Variants in ST8SIA5 observed in about 807,000 individuals in gnomAD.
ST8SIA5 encodes ST8 alpha-N-acetyl-neuraminide alpha-2,8-sialyltransferase 5, also known as alpha-2,8-sialyltransferase 8E.
A neutral mutation model predicts 40.2 loss-of-function variants in ST8SIA5; 24 were observed. The ratio of observed to expected loss-of-function variants is 0.60; its 90% CI spans 0.43 to 0.84. The LOEUF is 0.84. Ranked by LOEUF, ST8SIA5 falls within the 40% of genes least tolerant of loss-of-function variation. The probability of loss-of-function intolerance (pLI) is 0.00; values close to 1 mark genes in which losing one functional copy is unlikely to be tolerated. For missense variants in ST8SIA5, 465 were observed against 498.5 expected (o/e 0.93, Z 0.64); for synonymous variants, 198 against 201.8 (o/e 0.98, Z 0.16).
At chr18:46,701,233 C>T (rs762009005) in intron 2 of ST8SIA5, among the ~76,000 whole-genome samples, 7 of 145,458 alleles carry the variant, frequency 4.8e-5, no homozygotes, top group Admixed American at 1.4e-4. Flanking sequence ...CTCCACCTCC[C>T]GGGTTCAAGC....
At position 46,682,653 on chromosome 18, in the gene ST8SIA5, T is replaced by G. The variant is rs1335343665; in HGVS notation, c.570-589A>C. Among the ~76,000 whole-genome samples the G allele has an allele frequency of 5.9e-5, 9 of 152,344 alleles. No homozygotes were observed. In the East Asian group the frequency reaches 1.3e-3, roughly 23 times the overall value. On this transcript the variant is annotated intron_variant, in intron 5 of 6. Coordinates refer to ENST00000315087, the MANE Select transcript of ST8SIA5 (RefSeq NM_013305.6). ...GAACCTGTGACTATGCAGCCTTACG[T>G]GGCAGAAGGGACTCTGCAGCTGCAA...
At chr18:46,725,499 T>TATG (rs1351626772) in intron 1 of ST8SIA5, among the ~76,000 whole-genome samples, 2 of 151,604 alleles carry the variant, frequency 1.3e-5, no homozygotes, top group Non-Finnish European at 2.9e-5. Flanking sequence ...GAGCAGAAAA[T>TATG]ATGATGACTT....
chr18:46,689,773 G>A (rs1044548967), intron 3 of ST8SIA5, among the ~76,000 whole-genome samples: 12 of 148,744 alleles, frequency 8.1e-5, no homozygotes, highest in African/African-American at 3.0e-4. Context: ...TAGAGTCAAG[G>A]TTTCTCCATG....
rs147997564 is a variant in ST8SIA5, at chr18:46,723,487, G to A, written c.132-18823C>T. Among the ~76,000 whole-genome samples, 1,112 of 150,890 alleles carry A rather than the reference G, an allele frequency of 7.4e-3. 17 individuals carry two copies. The highest frequency in any genetic ancestry group is 0.026 in the African/African-American group (1,051 of 40,996). On this transcript the variant is annotated intron_variant, in intron 1 of 6. Transcript: ENST00000315087. ...GAATCCCTTGATCCTGGGAGGTGGA[G>A]GTTGAAGTAAGCCGAGATCACACTA...
chr18:46,706,884 G>A (rs989293081), intron 1 of ST8SIA5, among the ~76,000 whole-genome samples: 1 of 152,188 alleles, frequency 6.6e-6, no homozygotes, highest in Non-Finnish European at 1.5e-5. Flanking sequence ...AGAGGCAGCA[G>A]CTTTCACGGT....
chr18:46,743,155 C>T (rs1469281052), intron 1 of ST8SIA5, among the ~76,000 whole-genome samples: 1 of 152,176 alleles, frequency 6.6e-6, no homozygotes, highest in African/African-American at 2.4e-5. Context: ...TGCCTCTTCC[C>T]CTCCAAAGGA....
At chr18:46,736,925 C>T (rs1422513672) in intron 1 of ST8SIA5, among the ~76,000 whole-genome samples, 1 of 152,074 alleles carries the variant, frequency 6.6e-6, no homozygotes, top group Non-Finnish European at 1.5e-5. Context: ...AGGGGCTCTG[C>T]AGGACCTGTG....
chr18:46,719,818 TTCTC>T (rs1387313697), intron 1 of ST8SIA5, among the ~76,000 whole-genome samples: 96 of 48,690 alleles, frequency 2.0e-3, no homozygotes, highest in African/African-American at 4.9e-3. Flanking sequence ...TTTCCTTCCT[TTCTC>T]TTTCTTTCTT....
At chr18:46,720,540 CA>C (rs2144527378) in intron 1 of ST8SIA5, among the ~76,000 whole-genome samples, 1 of 152,296 alleles carries the variant, frequency 6.6e-6, no homozygotes, top group African/African-American at 2.4e-5. Flanking sequence ...TACTTCTCTG[CA>C]GGGTCAATTT....
intron 1 of ST8SIA5, among the ~76,000 whole-genome samples, chr18:46,719,305 G>A (rs2039827195): frequency 6.6e-6 from 1 of 152,178 alleles, no homozygotes; most frequent in African/African-American, 2.4e-5. Flanking sequence ...AGAGGAAGCT[G>A]GCCCAGATCA....
intron 1 of ST8SIA5, among the ~76,000 whole-genome samples, chr18:46,734,216 G>A (rs576551215): frequency 3.3e-5 from 5 of 152,246 alleles, no homozygotes; most frequent in African/African-American, 9.6e-5. Context: ...TGTGACTTAC[G>A]TTACTTTCCT....
rs185498038 is a variant in ST8SIA5 at position 46,668,532 on chromosome 18, G to A, written c.*11510C>T. Reference sequence around the variant, plus strand: ...TTTACTTGGGGAGGGAAGTGGCGGGGGATTGGTTCCAAACTGTACCATTGA... The same window carrying A: ...TTTACTTGGGGAGGGAAGTGGCGGGAGATTGGTTCCAAACTGTACCATTGA... On this transcript the variant is annotated 3_prime_UTR_variant, in exon 7 of 7. Transcript: ENST00000315087. The A allele has an allele frequency of 1.5e-3, 227 of 152,660 alleles. No homozygotes were observed. Among genetic ancestry groups the A allele is most frequent in the South Asian group, 2.7e-3 (13 of 4,816 alleles). 9.5% of individuals were successfully genotyped at this position (152,660 alleles called of 1,614,324 possible).
chr18:46,691,970 A>G, intron 3 of ST8SIA5, 199 bp downstream of exon 3: 1 of 600,150 alleles, frequency 1.7e-6, no homozygotes, highest in Non-Finnish European at 3.0e-6. Flanking sequence ...GGTGGAGGAT[A>G]GCACCTGGGC....
intron 2 of ST8SIA5, among the ~76,000 whole-genome samples, chr18:46,704,371 A>C (rs887351107): frequency 1.3e-5 from 2 of 152,160 alleles, no homozygotes; most frequent in Non-Finnish European, 2.9e-5. Context: ...TTGTCATAAA[A>C]CAGGCACAAT....
At chr18:46,728,139 G>T (rs972677882) in intron 1 of ST8SIA5, among the ~76,000 whole-genome samples, 2 of 150,228 alleles carry the variant, frequency 1.3e-5, no homozygotes, top group Non-Finnish European at 2.9e-5. Context: ...AGGTTGCAGT[G>T]AGCTGAGATC....
In ST8SIA5 at chr18:46,668,986, C is replaced by G. The variant is rs556926734; in HGVS notation, c.*11056G>C. On this transcript the variant is annotated 3_prime_UTR_variant, in exon 7 of 7. Coordinates refer to ENST00000315087, the MANE Select transcript of ST8SIA5 (RefSeq NM_013305.6). The stretch of plus-strand genomic sequence containing the variant: ...CCATGGTCCCTGACCCCAGCTTGCC[C>G]CGCTCTCCTGCTTTGCTCAGGCCTG... 1.3e-5 allele frequency: 2 copies of G among 152,518 alleles called. No homozygotes were observed. The highest frequency in any genetic ancestry group is 3.9e-4 in the East Asian group (2 of 5,184). 9.4% of individuals were successfully genotyped at this position (152,518 alleles called of 1,614,324 possible).
At chr18:46,692,569 T>C (rs1243943304) in intron 2 of ST8SIA5, among the ~76,000 whole-genome samples, 1 of 152,000 alleles carries the variant, frequency 6.6e-6, no homozygotes, top group East Asian at 1.9e-4. Context: ...GCCTAGCTAA[T>C]TTTTGTACTT....
chr18:46,710,425 C>CTGTCTTTTTCTT (rs1439875801), intron 1 of ST8SIA5, among the ~76,000 whole-genome samples: 6 of 108,526 alleles, frequency 5.5e-5, no homozygotes, highest in African/African-American at 2.0e-4. Context: ...CTTTTTCTTT[C>CTGTCTTTTTCTT]TCTCTCTTTC....
chr18:46,727,627 C>T (rs1002273550), intron 1 of ST8SIA5, among the ~76,000 whole-genome samples: 2 of 152,122 alleles, frequency 1.3e-5, no homozygotes, highest in Non-Finnish European at 2.9e-5. Flanking sequence ...TATTTCAAAT[C>T]CTCCCAAAAG....
Sources: allele counts gnomAD v4.1 joint callset (sites outside exome capture counted in the v4.1 genomes callset), GRCh38; gene constraint gnomAD v4.1.1; transcripts MANE v1.5; gene names NCBI Gene and HGNC (gene_info 2026-07-23, HGNC 2026-07-21).